Variants in MAP1LC3B observed in about 807,000 individuals in gnomAD.
MAP1LC3B encodes microtubule associated protein 1 light chain 3 beta.
A neutral mutation model predicts 16.7 loss-of-function variants in MAP1LC3B; 12 were observed. The ratio of observed to expected loss-of-function variants is 0.72; its 90% CI spans 0.46 to 1.16. MAP1LC3B has a LOEUF of 1.16. Ranked by LOEUF, MAP1LC3B falls within the 50% of genes most tolerant of loss-of-function variation. The pLI, the probability that MAP1LC3B is intolerant of heterozygous loss-of-function variation, is 0.00. For missense variants in MAP1LC3B, 155 were observed against 159.5 expected (o/e 0.97, Z 0.15); for synonymous variants, 63 against 56.5 (o/e 1.11, Z -0.51).
At chr16:87,395,287 T>A (rs987049804) in intron 1 of MAP1LC3B, among the ~76,000 whole-genome samples, 2 of 152,192 alleles carry the variant, frequency 1.3e-5, no homozygotes, top group Non-Finnish European at 2.9e-5. Context: ...GCTGTGCATG[T>A]GGAGCCGTGT....
chr16:87,399,265 A>G, intron 2 of MAP1LC3B: 1 of 262,474 alleles, frequency 3.8e-6, no homozygotes, highest in Non-Finnish European at 7.5e-6. Context: ...CTCCACCTTG[A>G]CCTCTCAAAG....
At position 87,404,265 on chromosome 16, in the gene MAP1LC3B, T is replaced by C. The variant is rs1200788640; in HGVS notation, c.*1168T>C. On this transcript the variant is annotated 3_prime_UTR_variant, in exon 4 of 4. Coordinates refer to ENST00000268607, the MANE Select transcript of MAP1LC3B (RefSeq NM_022818.5). ...AGACTAGTGCTTCCCAGTACTTGCA[T>C]GGGGTTCACTATTTATAGTTTTCTT... 2 of 152,162 alleles carry C rather than the reference T, an allele frequency of 1.3e-5. No individual in the cohort carries two copies. Among genetic ancestry groups the C allele is most frequent in the Non-Finnish European group, 2.9e-5 (2 of 68,040 alleles). The allele number at this position is 152,162 out of a possible 1,614,324, so 9.4% of individuals were successfully genotyped here. A position where few individuals can be genotyped will look rare whatever the true frequency, so the allele number is the denominator to read the frequency against.
rs760263872 is a variant in MAP1LC3B at position 87,403,069 on chromosome 16, A to T, written c.350A>T (p.Glu117Val). The T allele has an allele frequency of 6.2e-7, 1 of 1,612,650 alleles. No individual in the cohort carries two copies. Among genetic ancestry groups the T allele is most frequent in the Non-Finnish European group, 8.5e-7 (1 of 1,179,670 alleles). Residue 117 changes from glutamate (E) to valine (V), a missense_variant, in exon 4 of 4, where the codon GAG becomes GTG. By Grantham distance (121) the Glu-to-Val change is moderately radical. Transcript: ENST00000268607. ...GFLYMVYASQ[E>V]TFGMKLSV The stretch of plus-strand genomic sequence containing the variant: ...CTGTACATGGTCTATGCCTCCCAGG[A>T]GACGTTCGGGATGAAATTGTCAGTG...
intron 1 of MAP1LC3B, chr16:87,396,769 GATAA>G (rs1907822252): frequency 6.6e-6 from 1 of 152,136 alleles, no homozygotes; most frequent in African/African-American, 2.4e-5. Flanking sequence ...GGAGTCAAAG[GATAA>G]GAGCCACTAG....
At chr16:87,395,487 A>G (rs1025810733) in intron 1 of MAP1LC3B, among the ~76,000 whole-genome samples, 14 of 152,198 alleles carry the variant, frequency 9.2e-5, no homozygotes, top group African/African-American at 3.4e-4. Context: ...CCCTCCTTCT[A>G]TGCCATTGAC....
rs1052400314 is a variant in MAP1LC3B at position 87,402,057 on chromosome 16, A to G, written c.97-118A>G. ...TCACCATGTTAGCCAGGGTGGTCTC[A>G]GTCTCCTGACCTCGTGATGTGCCCG... On this transcript the variant is annotated intron_variant, in intron 2 of 3. Coordinates refer to ENST00000268607, the MANE Select transcript of MAP1LC3B (RefSeq NM_022818.5). 28 of 829,148 alleles carry G rather than the reference A, an allele frequency of 3.4e-5. No homozygotes were observed. The African/African-American group carries it at 3.9e-4, about 11-fold the overall frequency. 51.4% of individuals were successfully genotyped at this position (829,148 alleles called of 1,614,324 possible).
Position 87,403,327 on chromosome 16 carries a change from T to C in MAP1LC3B, c.*230T>C. 2.6e-6 allele frequency: 1 copy of C among 380,450 alleles called. No homozygotes were observed. The highest frequency in any genetic ancestry group is 4.9e-6 in the Non-Finnish European group (1 of 205,092). 23.6% of individuals were successfully genotyped at this position (380,450 alleles called of 1,614,324 possible). On this transcript the variant is annotated 3_prime_UTR_variant, in exon 4 of 4. Transcript: ENST00000268607. ...ATTATTTAATGTAGGCTAGCTTGTT[T>C]TCAAATTTTAAAAGTTTAAAAATAA...
At chr16:87,395,642 A>C (rs977786817) in intron 1 of MAP1LC3B, among the ~76,000 whole-genome samples, 1 of 152,188 alleles carries the variant, frequency 6.6e-6, no homozygotes, top group African/African-American at 2.4e-5. Flanking sequence ...TTGCTGCTGG[A>C]CAGCGTGCTA....
Position 87,392,366 on chromosome 16 carries a change from G to T in MAP1LC3B, c.-62G>T. Reference sequence around the variant, plus strand: ...CGGATTCGCCGCCGCAGCAGCCGCCGCCCCCGGGAGCCGCCGGGACCCTCG... The same window carrying T: ...CGGATTCGCCGCCGCAGCAGCCGCCTCCCCCGGGAGCCGCCGGGACCCTCG... On this transcript the variant is annotated 5_prime_UTR_variant, in exon 1 of 4. Coordinates refer to ENST00000268607, the MANE Select transcript of MAP1LC3B (RefSeq NM_022818.5). 3 of 1,367,716 alleles carry T rather than the reference G, an allele frequency of 2.2e-6. No individual in the cohort carries two copies. The highest frequency in any genetic ancestry group is 1.9e-6 in the Non-Finnish European group (2 of 1,066,410). 84.7% of individuals were successfully genotyped at this position (1,367,716 alleles called of 1,614,324 possible). A position where few individuals can be genotyped will look rare whatever the true frequency, so the allele number is the denominator to read the frequency against.
chr16:87,402,883 A>G (rs752331117), intron 3 of MAP1LC3B, 40 bp from the exon 4 acceptor site: 6 of 1,610,790 alleles, frequency 3.7e-6, no homozygotes, highest in South Asian at 2.2e-5. Flanking sequence ...TCCTTCTTGT[A>G]TTGTTGTCAA....
chr16:87,401,132 C>CAAAAAAA (rs10543884), intron 2 of MAP1LC3B, among the ~76,000 whole-genome samples: 1 of 67,574 alleles, frequency 1.5e-5, no homozygotes, highest in African/African-American at 5.5e-5. Flanking sequence ...GACTCTGTCT[C>CAAAAAAA]AAAAAAAAAA....
chr16:87,402,135 C>G (rs751697237), intron 2 of MAP1LC3B, 40 bp from the exon 3 acceptor site: 19 of 1,611,076 alleles, frequency 1.2e-5, no homozygotes, highest in Admixed American at 6.7e-5. Flanking sequence ...GCGCCTGGCC[C>G]TGATGACTAT....
At position 87,404,071 on chromosome 16, in the gene MAP1LC3B, G is replaced by C. The variant is rs1597392353; in HGVS notation, c.*974G>C. On this transcript the variant is annotated 3_prime_UTR_variant, in exon 4 of 4. Coordinates refer to ENST00000268607, the MANE Select transcript of MAP1LC3B (RefSeq NM_022818.5). The stretch of plus-strand genomic sequence containing the variant: ...ATGTGTAACTCAGTATTACTGAAAA[G>C]GTACCCACATTTTGAATAGTAGTTA... The C allele has an allele frequency of 6.6e-6, 1 of 152,066 alleles. No homozygotes were observed. Among genetic ancestry groups the C allele is most frequent in the East Asian group, 1.9e-4 (1 of 5,200 alleles). The allele number at this position is 152,066 out of a possible 1,614,324, so 9.4% of individuals were successfully genotyped here.
intron 1 of MAP1LC3B, among the ~76,000 whole-genome samples, chr16:87,398,475 G>A (rs1907880023): frequency 6.6e-6 from 1 of 152,194 alleles, no homozygotes; most frequent in Non-Finnish European, 1.5e-5. Flanking sequence ...AGGTGGTAGT[G>A]GTCTTTGGAG....
At position 87,403,117 on chromosome 16, in the gene MAP1LC3B, C is replaced by T; in HGVS notation, c.*20C>T. 4 of 1,576,900 alleles carry T rather than the reference C, an allele frequency of 2.5e-6. No homozygotes were observed. Among genetic ancestry groups the T allele is most frequent in the East Asian group, 2.2e-5 (1 of 44,768 alleles). ...GTGTAAAACCAGAAAAAATGCAGCT[C>T]TTCTAGAATTGTTTAAACCCTTACC... On this transcript the variant is annotated 3_prime_UTR_variant, in exon 4 of 4. Coordinates refer to ENST00000268607, the MANE Select transcript of MAP1LC3B (RefSeq NM_022818.5).
In MAP1LC3B at chr16:87,403,463, A is replaced by C; in HGVS notation, c.*366A>C. 1 of 180,320 alleles carries C rather than the reference A, an allele frequency of 5.5e-6. No individual in the cohort carries two copies. Among genetic ancestry groups the C allele is most frequent in the Non-Finnish European group, 1.3e-5 (1 of 79,424 alleles). 11.2% of individuals were successfully genotyped at this position (180,320 alleles called of 1,614,324 possible). On this transcript the variant is annotated 3_prime_UTR_variant, in exon 4 of 4. Transcript: ENST00000268607. ...AGCAGTAATTTAAAGGCTTTCAGAGAGACCCTGAGTCTTCTCTTCAGGTTC... is the reference window on the plus strand; with the variant it reads ...AGCAGTAATTTAAAGGCTTTCAGAGCGACCCTGAGTCTTCTCTTCAGGTTC...
intron 1 of MAP1LC3B, among the ~76,000 whole-genome samples, chr16:87,394,294 T>A (rs978638484): frequency 2.0e-5 from 3 of 152,206 alleles, no homozygotes; most frequent in South Asian, 4.1e-4. Context: ...AAAAAAATCT[T>A]TCTAGTTCAT....
At chr16:87,400,090 C>T (rs1907934356) in intron 2 of MAP1LC3B, 1 of 153,932 alleles carries the variant, frequency 6.5e-6, no homozygotes, top group Admixed American at 6.2e-5. Context: ...TATTTAAATT[C>T]ATAATATGAA....
chr16:87,402,191 A>G lies in MAP1LC3B; in HGVS notation c.113A>G (p.Tyr38Cys), dbSNP rs1267406070. The G allele has an allele frequency of 6.8e-6, 11 of 1,614,010 alleles. No individual in the cohort carries two copies. Among genetic ancestry groups the G allele is most frequent in the Non-Finnish European group, 8.5e-6 (10 of 1,180,010 alleles). ...CTTTTCCAGGTGATAATAGAACGAT[A>G]CAAGGGTGAGAAGCAGCTTCCTGTT... The part of the protein sequence containing the change: ...PTKIPVIIER[Y>C]KGEKQLPVLD... The change falls in exon 3 of 4, where the codon TAC becomes TGC. Residue 38 changes from tyrosine (Y) to cysteine (C), a missense_variant. Tyr to Cys is a radical substitution (Grantham distance 194). Transcript: ENST00000268607.
Sources: gnomAD v4.1 joint callset for allele counts (sites outside exome capture counted in the v4.1 genomes callset) on GRCh38, gnomAD v4.1.1 for gene constraint, MANE v1.5 for transcripts, NCBI Gene and HGNC (gene_info 2026-07-23, HGNC 2026-07-21) for gene names.